The following PARD3B variants were observed in gnomAD, a reference collection of about 807,000 sequenced individuals.
PARD3B encodes the protein partitioning defective 3 homolog B.
A neutral mutation model predicts 130.2 loss-of-function variants in PARD3B; 103 were observed. The observed-to-expected ratio is 0.79, with a 90% CI of 0.67 to 0.93. PARD3B has a LOEUF of 0.93. PARD3B is among the 40% of genes least tolerant of loss of function. The pLI, the probability that PARD3B is intolerant of heterozygous loss-of-function variation, is 0.00. For missense variants in PARD3B, 1,609 were observed against 1,499.2 expected, an observed-to-expected ratio of 1.07 and a Z score of -1.21; for synonymous variants, 583 against 553.2, an observed-to-expected ratio of 1.05 and a Z score of -0.76.
intron 18 of PARD3B, among the ~76,000 whole-genome samples, chr2:205,371,217 A>G (rs1328267471): frequency 6.6e-6 from 1 of 152,200 alleles, no homozygotes; most frequent in African/African-American, 2.4e-5. Context: ...TAATGTCTCT[A>G]ACATGGAGTC....
chr2:205,335,443 G>A (rs887582034), intron 18 of PARD3B, among the ~76,000 whole-genome samples: 6 of 152,082 alleles, frequency 3.9e-5, no homozygotes, highest in Non-Finnish European at 8.8e-5. Flanking sequence ...AGTCCTACAT[G>A]CCATGTGTAT....
At chr2:204,935,146 C>CTT (rs71032422) in intron 2 of PARD3B, among the ~76,000 whole-genome samples, 5,310 of 138,564 alleles carry the variant, frequency 0.038, 131 homozygotes, top group Middle Eastern at 0.063. Flanking sequence ...GTTTTCCCTA[C>CTT]TTTTTTTTTT....
At position 205,013,718 on chromosome 2, in the gene PARD3B, A is replaced by G. The variant is rs375596062; in HGVS notation, c.395-33863A>G. 3.2e-4 allele frequency among the ~76,000 whole-genome samples: 49 copies of G among 152,332 alleles called. No homozygotes were observed. In the East Asian group the frequency reaches 9.1e-3, roughly 28 times the overall value. ...CTTGAGGGCTCACTGCCTGCTGTGA[A>G]GCAGCATCTGCAGGTCTGTGGTCAG... On this transcript the variant is annotated intron_variant, in intron 3 of 22. Transcript: ENST00000406610.
chr2:205,523,245 ATATATATATATATTTT>A (rs1559176294), intron 21 of PARD3B, among the ~76,000 whole-genome samples: 1 of 145,106 alleles, frequency 6.9e-6, no homozygotes, highest in Non-Finnish European at 1.5e-5. Context: ...ATATATATTT[ATATATATATATATTTT>A]TGAGATGGAG....
At chr2:205,322,611 C>T (rs951790485) in intron 18 of PARD3B, among the ~76,000 whole-genome samples, 1 of 151,966 alleles carries the variant, frequency 6.6e-6, no homozygotes, top group African/African-American at 2.4e-5. Flanking sequence ...CTGAATTTGT[C>T]CATATAGCTA....
At chr2:205,373,119 G>T (rs891555470) in intron 18 of PARD3B, among the ~76,000 whole-genome samples, 7 of 152,174 alleles carry the variant, frequency 4.6e-5, no homozygotes, top group Non-Finnish European at 8.8e-5. Flanking sequence ...GTTGCCATGT[G>T]CTATTCAGGG....
rs187377196 is a variant in PARD3B at position 204,814,771 on chromosome 2, T to A, written c.222+128489T>A. Among the ~76,000 whole-genome samples the A allele has an allele frequency of 4.3e-3, 659 of 152,026 alleles. 1 individual carries two copies. Among genetic ancestry groups the A allele is most frequent in the Non-Finnish European group, 6.5e-3 (442 of 67,820 alleles). On this transcript the variant is annotated intron_variant, in intron 2 of 22. Coordinates refer to ENST00000406610, the MANE Select transcript of PARD3B (RefSeq NM_001302769.2). ...AGGGTTGTTCTCTTCTGTCTTGTTA[T>A]TTTTAAGAGCAGGATGAATATTGGA... is the stretch of plus-strand genomic sequence containing the variant.
Position 205,128,978 on chromosome 2 carries a change from C to A in PARD3B, c.1434+3241C>A, listed in dbSNP as rs116176271. 2.6e-5 allele frequency among the ~76,000 whole-genome samples: 4 copies of A among 152,082 alleles called. No homozygotes were observed. Among genetic ancestry groups the A allele is most frequent in the African/African-American group, 9.7e-5 (4 of 41,380 alleles). ...TATCCCAGAATGACATAGGCCAAGT[C>A]CACCAGGGAGCATATTAAGTTAACT... On this transcript the variant is annotated intron_variant, in intron 10 of 22. Coordinates refer to ENST00000406610, the MANE Select transcript of PARD3B (RefSeq NM_001302769.2). The surrounding 1 kb of genome is among the most constrained non-coding windows in gnomAD (Gnocchi z 4.5).
At position 205,044,813 on chromosome 2, in the gene PARD3B, C is replaced by T. The variant is rs532632481; in HGVS notation, c.395-2768C>T. Among the ~76,000 whole-genome samples, 14 of 152,208 alleles carry T rather than the reference C, an allele frequency of 9.2e-5. No homozygotes were observed. In the East Asian group the frequency reaches 2.7e-3, roughly 29 times the overall value. On this transcript the variant is annotated intron_variant, in intron 3 of 22. Coordinates refer to ENST00000406610, the MANE Select transcript of PARD3B (RefSeq NM_001302769.2). Reference sequence around the variant, plus strand: ...CAGAAGCTCTTTAGTTTAATTAGATCCCATTTCTCAGTTTAAGGTGGAACT... The same window carrying T: ...CAGAAGCTCTTTAGTTTAATTAGATTCCATTTCTCAGTTTAAGGTGGAACT...
intron 2 of PARD3B, among the ~76,000 whole-genome samples, chr2:204,905,800 C>T (rs530596378): frequency 4.6e-5 from 7 of 152,176 alleles, no homozygotes; most frequent in African/African-American, 1.4e-4. Flanking sequence ...ATGAAGCCAA[C>T]ATACCACTTA....
At chr2:205,420,922 C>A (rs2046946707) in intron 19 of PARD3B, among the ~76,000 whole-genome samples, 1 of 152,176 alleles carries the variant, frequency 6.6e-6, no homozygotes, top group African/African-American at 2.4e-5. Context: ...GCGGGCAGAT[C>A]ATAAGGTCAA....
chr2:205,141,082 C>CT (rs2032911402), intron 10 of PARD3B, among the ~76,000 whole-genome samples: 1 of 152,122 alleles, frequency 6.6e-6, no homozygotes, highest in African/African-American at 2.4e-5. Flanking sequence ...TCAGGTGTCT[C>CT]TTTTAACAGT....
intron 10 of PARD3B, among the ~76,000 whole-genome samples, chr2:205,155,753 A>G (rs1350580439): frequency 7.9e-5 from 12 of 152,002 alleles, no homozygotes. Flanking sequence ...CTGGTGTGAG[A>G]TGGTATCTCA....
At chr2:204,719,871 C>T (rs1330847711) in intron 2 of PARD3B, among the ~76,000 whole-genome samples, 1 of 152,098 alleles carries the variant, frequency 6.6e-6, no homozygotes, top group Admixed American at 6.5e-5. Flanking sequence ...ACAGGTAAAT[C>T]GAACTATTTA....
chr2:205,140,990 GT>G (rs1332953492), intron 10 of PARD3B, among the ~76,000 whole-genome samples: 3 of 152,116 alleles, frequency 2.0e-5, no homozygotes, highest in African/African-American at 7.2e-5. Context: ...TACTTTTGAT[GT>G]GGCTAAAATT....
chr2:204,891,678 T>C (rs2046451755), intron 2 of PARD3B, among the ~76,000 whole-genome samples: 1 of 152,200 alleles, frequency 6.6e-6, no homozygotes, highest in South Asian at 2.1e-4. Context: ...TCTGAACTCT[T>C]GTCTCTTCCC....
At chr2:204,913,582 T>C (rs1409669389) in intron 2 of PARD3B, among the ~76,000 whole-genome samples, 9 of 152,192 alleles carry the variant, frequency 5.9e-5, no homozygotes, top group Non-Finnish European at 1.0e-4. Flanking sequence ...TATTAGATTA[T>C]ACTTCATTCC....
intron 4 of PARD3B, among the ~76,000 whole-genome samples, chr2:205,054,843 A>G (rs1699535197): frequency 6.6e-6 from 1 of 152,158 alleles, no homozygotes; most frequent in Non-Finnish European, 1.5e-5. Flanking sequence ...GCAGTCTGCA[A>G]GCATGTATCA....
intron 1 of PARD3B, among the ~76,000 whole-genome samples, chr2:204,643,853 G>T (rs562970183): frequency 1.3e-5 from 2 of 152,178 alleles, no homozygotes; most frequent in South Asian, 2.1e-4. Context: ...TAAAATTCAG[G>T]CTTGATGACT....
Sources: gnomAD v4.1 joint callset for allele counts (sites outside exome capture counted in the v4.1 genomes callset) on GRCh38, gnomAD v4.1.1 for gene constraint, Gnocchi (gnomAD v3.1) non-coding constraint, MANE v1.5 for transcripts, NCBI Gene and HGNC (gene_info 2026-07-23, HGNC 2026-07-21) for gene names.